PTPRG: variants seen among roughly 807,000 people sequenced by gnomAD.
PTPRG encodes protein tyrosine phosphatase receptor type G.
PTPRG carries 102 observed loss-of-function variants against 165.3 expected under a neutral mutation model. The ratio of observed to expected loss-of-function variants is 0.62; its 90% CI spans 0.53 to 0.73. The LOEUF is 0.73. PTPRG is among the 30% of genes least tolerant of loss of function. The pLI, the probability that PTPRG is intolerant of heterozygous loss-of-function variation, is 0.00. For missense variants in PTPRG, 1,866 were observed against 1,861.4 expected (o/e 1.00, Z -0.05); for synonymous variants, 675 against 669.5 (o/e 1.01, Z -0.13).
At position 62,252,260 on chromosome 3, in the gene PTPRG, G is replaced by T. The variant is rs1408728065; in HGVS notation, c.2468-2864G>T. Among the ~76,000 whole-genome samples, 1 of 152,120 alleles carries T rather than the reference G, an allele frequency of 6.6e-6. No individual in the cohort carries two copies. The highest frequency in any genetic ancestry group is 2.4e-5 in the African/African-American group (1 of 41,432). On this transcript the variant is annotated intron_variant, in intron 15 of 29. Transcript: ENST00000474889. The surrounding 1 kb of genome is among the most constrained non-coding windows in gnomAD (Gnocchi z 4.6). ...ACCAACACAAATGTCCTTGAGCAGA[G>T]ACCATCTCCCTAATATCTGGCTGAA... is the stretch of plus-strand genomic sequence containing the variant.
intron 1 of PTPRG, among the ~76,000 whole-genome samples, chr3:61,733,482 G>T (rs981098342): frequency 2.0e-5 from 3 of 152,156 alleles, no homozygotes; most frequent in African/African-American, 7.2e-5. Flanking sequence ...GAAAGCTCTG[G>T]TGAGGGTTAA....
intron 4 of PTPRG, among the ~76,000 whole-genome samples, chr3:62,021,115 C>T (rs192136228): frequency 1.0e-3 from 146 of 143,078 alleles, no homozygotes; most frequent in Admixed American, 2.7e-3. Context: ...ACTTTTAATA[C>T]GAATACCTGC....
intron 9 of PTPRG, among the ~76,000 whole-genome samples, chr3:62,192,030 T>C (rs1290308503): frequency 6.6e-6 from 1 of 152,260 alleles, no homozygotes; most frequent in Non-Finnish European, 1.5e-5. Flanking sequence ...CCTATATAAC[T>C]GTATAAATAT....
At chr3:61,773,849 A>G (rs924305563) in intron 2 of PTPRG, among the ~76,000 whole-genome samples, 1 of 151,424 alleles carries the variant, frequency 6.6e-6, no homozygotes, top group Non-Finnish European at 1.5e-5. Flanking sequence ...ATCTTGGCTC[A>G]CCACAACCTC....
chr3:61,900,485 G>T (rs1163543467), intron 2 of PTPRG, among the ~76,000 whole-genome samples: 2 of 152,160 alleles, frequency 1.3e-5, no homozygotes, highest in African/African-American at 4.8e-5. Flanking sequence ...CAAAGACTCT[G>T]TAAGTCCCCA....
intron 4 of PTPRG, among the ~76,000 whole-genome samples, chr3:62,041,167 A>G (rs562520122): frequency 6.6e-6 from 1 of 152,298 alleles, no homozygotes; most frequent in East Asian, 1.9e-4. Context: ...CTTACAATAT[A>G]TTCAGTGTTC....
rs1703033658 is a variant in PTPRG at position 62,295,586 on chromosome 3, A to C, written c.*2279A>C. 6.6e-6 allele frequency: 1 copy of C among 152,114 alleles called. No homozygotes were observed. The highest frequency in any genetic ancestry group is 1.5e-5 in the Non-Finnish European group (1 of 68,004). 9.4% of individuals were successfully genotyped at this position (152,114 alleles called of 1,614,324 possible). A position where few individuals can be genotyped will look rare whatever the true frequency, so the allele number is the denominator to read the frequency against. On this transcript the variant is annotated 3_prime_UTR_variant, in exon 30 of 30. Coordinates refer to ENST00000474889, the MANE Select transcript of PTPRG (RefSeq NM_002841.4). ...TGTGGCTGTCCCTTACAGTGGTTTC[A>C]GAATCACGAAAAAACAGCTAGTAAA...
At chr3:61,589,423 A>C (rs143935934) in intron 1 of PTPRG, among the ~76,000 whole-genome samples, 50 of 152,286 alleles carry the variant, frequency 3.3e-4, no homozygotes, top group African/African-American at 1.2e-3. Flanking sequence ...AACCCATGAG[A>C]TACAAGGGTC....
At chr3:62,114,455 G>T (rs1013997083) in intron 5 of PTPRG, among the ~76,000 whole-genome samples, 2 of 152,130 alleles carry the variant, frequency 1.3e-5, no homozygotes, top group African/African-American at 4.8e-5. Context: ...CATTTTTGTT[G>T]TTGTTGTTGT....
In PTPRG at chr3:62,019,522, C is replaced by CA. The variant is rs57682254; in HGVS notation, c.519+16045dup. ...TGGGTGACAGAGTGAGACCCCATCT[C>CA]AAAAAAAAAAAAAAAAAAAAGTCCT... On this transcript the variant is annotated intron_variant, in intron 4 of 29. Transcript: ENST00000474889. 5.9e-3 allele frequency among the ~76,000 whole-genome samples: 556 copies of CA among 93,622 alleles called. 2 individuals carry two copies. Among genetic ancestry groups the CA allele is most frequent in the Middle Eastern group, 0.012 (2 of 170 alleles). The allele number at this position is 93,622 out of a possible 152,430, so 61.4% of individuals were successfully genotyped here. A position where few individuals can be genotyped will look rare whatever the true frequency, so the allele number is the denominator to read the frequency against.
At chr3:61,680,401 C>T (rs918712316) in intron 1 of PTPRG, among the ~76,000 whole-genome samples, 1 of 151,386 alleles carries the variant, frequency 6.6e-6, no homozygotes, top group African/African-American at 2.4e-5. Flanking sequence ...CTACTCTTGC[C>T]CAGGCTGAGT....
chr3:61,642,024 C>G (rs1192252688), intron 1 of PTPRG, among the ~76,000 whole-genome samples: 2 of 152,174 alleles, frequency 1.3e-5, no homozygotes, highest in African/African-American at 2.4e-5. Context: ...GGTGCCGTTG[C>G]CCGCAAGGCC....
intron 27 of PTPRG, among the ~76,000 whole-genome samples, chr3:62,282,364 T>C (rs767960952): frequency 6.6e-6 from 1 of 151,608 alleles, no homozygotes; most frequent in Non-Finnish European, 1.5e-5. Context: ...GCAAAGACTA[T>C]AGGCATGTAC....
At chr3:62,265,894 T>TACACACACACACACACAC (rs1250968284) in intron 17 of PTPRG, among the ~76,000 whole-genome samples, 48 of 26,526 alleles carry the variant, frequency 1.8e-3, no homozygotes, top group South Asian at 6.1e-3. Flanking sequence ...CTGTGCCTTA[T>TACACACACACACACACAC]ATACACACAC....
intron 1 of PTPRG, 151 bp from the exon 2 acceptor site, chr3:61,748,726 GT>G (rs11328533): frequency 0.53 from 269,484 of 505,490 alleles, 40,918 homozygotes; most frequent in African/African-American, 0.67. Context: ...CTTTCCTATA[GT>G]TTTTTTTTTT....
At chr3:61,583,357 G>C (rs567557180) in intron 1 of PTPRG, among the ~76,000 whole-genome samples, 3 of 152,300 alleles carry the variant, frequency 2.0e-5, no homozygotes, top group African/African-American at 7.2e-5. Flanking sequence ...TAGTGTCTCT[G>C]TGCTTGCTGG....
In PTPRG at chr3:61,562,188, C is replaced by G. The variant is rs1699772756; in HGVS notation, c.-100C>G. On this transcript the variant is annotated 5_prime_UTR_variant, in exon 1 of 30. Coordinates refer to ENST00000474889, the MANE Select transcript of PTPRG (RefSeq NM_002841.4). ...CGGGGGGCCCGTGGAGCGGGCGAGC[C>G]GGGGAAGCGCCCCGGCTTAGCGGAG... The G allele has an allele frequency of 8.8e-7, 1 of 1,136,724 alleles. No individual in the cohort carries two copies. The highest frequency in any genetic ancestry group is 1.3e-6 in the Non-Finnish European group (1 of 761,442). 70.4% of individuals were successfully genotyped at this position (1,136,724 alleles called of 1,614,324 possible).
rs565224148 is a variant in PTPRG at position 62,116,495 on chromosome 3, A to C, written c.616-16107A>C. On this transcript the variant is annotated intron_variant, in intron 5 of 29. Transcript: ENST00000474889. ...CATAATGGTATTCTCTACAGTAATAAAAATGAACTACTACTTGGACAAACA... is the reference window on the plus strand; with the variant it reads ...CATAATGGTATTCTCTACAGTAATACAAATGAACTACTACTTGGACAAACA... 8.5e-5 allele frequency among the ~76,000 whole-genome samples: 13 copies of C among 152,358 alleles called. No homozygotes were observed. The South Asian group carries it at 2.7e-3, about 32-fold the overall frequency.
At chr3:61,971,818 C>A (rs1455579486) in intron 2 of PTPRG, among the ~76,000 whole-genome samples, 1 of 152,132 alleles carries the variant, frequency 6.6e-6, no homozygotes, top group Non-Finnish European at 1.5e-5. Flanking sequence ...TAAATTATAC[C>A]TCAATAGAGT....
Sources: gnomAD v4.1 joint callset for allele counts (sites outside exome capture counted in the v4.1 genomes callset) on GRCh38, gnomAD v4.1.1 for gene constraint, Gnocchi (gnomAD v3.1) non-coding constraint, MANE v1.5 for transcripts, NCBI Gene and HGNC (gene_info 2026-07-23, HGNC 2026-07-21) for gene names.